Variants in SYNDIG1 observed in about 807,000 individuals in gnomAD.
The protein encoded by SYNDIG1 is synapse differentiation-inducing gene protein 1.
SYNDIG1 carries 9 observed loss-of-function variants against 19.4 expected under a neutral mutation model. The observed-to-expected ratio is 0.46, with a 90% CI of 0.28 to 0.81. SYNDIG1 has a LOEUF of 0.81. Among genes scored for constraint, SYNDIG1 ranks in the 30% least tolerant of loss-of-function variants. The pLI, the probability that SYNDIG1 is intolerant of heterozygous loss-of-function variation, is 0.12. For synonymous variants in SYNDIG1, 141 were observed against 145.9 expected, an observed-to-expected ratio of 0.97 and a Z score of 0.24; for missense variants, 311 against 343.3, an observed-to-expected ratio of 0.91 and a Z score of 0.74.
intron 3 of SYNDIG1, among the ~76,000 whole-genome samples, chr20:24,659,078 G>A (rs752847148): frequency 7.9e-5 from 12 of 151,946 alleles, no homozygotes; most frequent in Non-Finnish European, 1.3e-4. Flanking sequence ...AATCCCTCCC[G>A]TTCTGTACTG....
chr20:24,513,452 C>G (rs1212411517), intron 1 of SYNDIG1, among the ~76,000 whole-genome samples: 1 of 152,178 alleles, frequency 6.6e-6, no homozygotes, highest in African/African-American at 2.4e-5. Flanking sequence ...AGCTGAAAAC[C>G]ATGGCACGAG....
At chr20:24,519,294 G>T (rs770532153) in intron 1 of SYNDIG1, among the ~76,000 whole-genome samples, 30 of 152,182 alleles carry the variant, frequency 2.0e-4, no homozygotes, top group Non-Finnish European at 3.4e-4. Context: ...AAGAAACTGT[G>T]CTTCCATATT....
chr20:24,598,183 A>G (rs530907767), intron 3 of SYNDIG1, among the ~76,000 whole-genome samples: 2 of 152,332 alleles, frequency 1.3e-5, no homozygotes, highest in East Asian at 3.9e-4. Flanking sequence ...GGCACTGTGC[A>G]GGGTATGGAG....
intron 3 of SYNDIG1, among the ~76,000 whole-genome samples, chr20:24,615,733 C>T (rs2147199272): frequency 6.6e-6 from 1 of 152,264 alleles, no homozygotes; most frequent in African/African-American, 2.4e-5. Context: ...CTTTCATCTT[C>T]CACCTCCTCC....
chr20:24,614,606 G>A (rs2058900148), intron 3 of SYNDIG1, among the ~76,000 whole-genome samples: 1 of 118,268 alleles, frequency 8.5e-6, no homozygotes, highest in African/African-American at 3.2e-5. Context: ...AAAATCAAAA[G>A]AAGGAAGGAA....
intron 2 of SYNDIG1, among the ~76,000 whole-genome samples, chr20:24,555,934 G>T (rs1352395238): frequency 6.6e-6 from 1 of 152,132 alleles, no homozygotes; most frequent in Non-Finnish European, 1.5e-5. Flanking sequence ...TATTGTGTGG[G>T]AGTCTAAGTC....
chr20:24,578,365 C>G (rs537084779), intron 2 of SYNDIG1, among the ~76,000 whole-genome samples: 1 of 151,648 alleles, frequency 6.6e-6, no homozygotes, highest in South Asian at 2.1e-4. Context: ...ATTGCTTGAA[C>G]CCGGGAGGCG....
At chr20:24,494,221 G>A (rs571034918) in intron 1 of SYNDIG1, among the ~76,000 whole-genome samples, 1 of 152,354 alleles carries the variant, frequency 6.6e-6, no homozygotes, top group African/African-American at 2.4e-5. Flanking sequence ...AGGGCAGTAT[G>A]TGTGGGACTT....
At chr20:24,476,675 AAAACAAAC>A (rs1412119411) in intron 1 of SYNDIG1, among the ~76,000 whole-genome samples, 1 of 152,076 alleles carries the variant, frequency 6.6e-6, no homozygotes, top group Non-Finnish European at 1.5e-5. Flanking sequence ...AACTAAAAAA[AAAACAAAC>A]AAACAAACAA....
chr20:24,656,911 C>G (rs1422891479), intron 3 of SYNDIG1, among the ~76,000 whole-genome samples: 1 of 152,216 alleles, frequency 6.6e-6, no homozygotes, highest in African/African-American at 2.4e-5. Context: ...ACGGATCCCT[C>G]ATGGCTTGGT....
chr20:24,592,776 G>C (rs1008971896), intron 3 of SYNDIG1, among the ~76,000 whole-genome samples: 3 of 152,062 alleles, frequency 2.0e-5, no homozygotes. Flanking sequence ...ACCACACCCA[G>C]CTAATTTCAA....
At chr20:24,609,232 G>A (rs1396893815) in intron 3 of SYNDIG1, among the ~76,000 whole-genome samples, 1 of 152,180 alleles carries the variant, frequency 6.6e-6, no homozygotes, top group Non-Finnish European at 1.5e-5. Context: ...TGGTGCTTAG[G>A]GAGTTATAAG....
chr20:24,633,655 G>A (rs370720629), intron 3 of SYNDIG1, among the ~76,000 whole-genome samples: 5 of 152,150 alleles, frequency 3.3e-5, no homozygotes, highest in African/African-American at 9.7e-5. Flanking sequence ...ATCTGGGAAC[G>A]TTTTAGGATC....
Position 24,581,264 on chromosome 20 carries a change from T to C in SYNDIG1, c.481-3592T>C, listed in dbSNP as rs11906479. Among the ~76,000 whole-genome samples, 1,078 of 152,246 alleles carry C rather than the reference T, an allele frequency of 7.1e-3. 13 individuals are homozygous for C. Among genetic ancestry groups the C allele is most frequent in the African/African-American group, 0.025 (1,042 of 41,546 alleles). On this transcript the variant is annotated intron_variant, in intron 2 of 3. Transcript: ENST00000376862. ...CCTCTTGGAGCCTCAGCTTTGTCCT[T>C]TGTAAAACATAAACGACAATGACAA...
intron 3 of SYNDIG1, among the ~76,000 whole-genome samples, chr20:24,602,982 A>G (rs1401238996): frequency 6.6e-6 from 1 of 152,306 alleles, no homozygotes; most frequent in East Asian, 1.9e-4. Context: ...TAACCAACAC[A>G]ATGCTATCGA....
At chr20:24,601,738 TA>T (rs2058682245) in intron 3 of SYNDIG1, among the ~76,000 whole-genome samples, 6 of 152,204 alleles carry the variant, frequency 3.9e-5, no homozygotes, top group African/African-American at 9.6e-5. Flanking sequence ...TAGATTCCAC[TA>T]CTTTGCTCCT....
chr20:24,617,920 G>GA, intron 3 of SYNDIG1, among the ~76,000 whole-genome samples: 2 of 148,606 alleles, frequency 1.3e-5, no homozygotes, highest in Non-Finnish European at 3.0e-5. Flanking sequence ...CTGGAGAAGC[G>GA]GGAGAGCCCG....
chr20:24,593,507 A>G (rs2058547105), intron 3 of SYNDIG1, among the ~76,000 whole-genome samples: 1 of 152,308 alleles, frequency 6.6e-6, no homozygotes, highest in South Asian at 2.1e-4. Context: ...ATATGCACGC[A>G]TATGTCTTTA....
At chr20:24,594,633 C>T (rs1439306357) in intron 3 of SYNDIG1, among the ~76,000 whole-genome samples, 1 of 152,158 alleles carries the variant, frequency 6.6e-6, no homozygotes, top group Non-Finnish European at 1.5e-5. Context: ...GCCATTTTAA[C>T]AATATCGATT....
Sources: gnomAD v4.1 joint callset for allele counts (sites outside exome capture counted in the v4.1 genomes callset) on GRCh38, gnomAD v4.1.1 for gene constraint, MANE v1.5 for transcripts, NCBI Gene and HGNC (gene_info 2026-07-23, HGNC 2026-07-21) for gene names.